Variants in ORC1 observed in about 807,000 individuals in gnomAD.
The protein encoded by ORC1 is origin recognition complex, subunit 1 homolog.
A neutral mutation model predicts 98.9 loss-of-function variants in ORC1; 61 were observed. That is an observed-to-expected ratio of 0.62 (90% CI 0.50 to 0.76). The LOEUF (loss-of-function observed/expected upper bound fraction) is 0.76. Among genes scored for constraint, ORC1 ranks in the 30% least tolerant of loss-of-function variants. ORC1 has a pLI of 0.00. For missense variants in ORC1, 979 were observed against 1,072.2 expected (o/e 0.91, Z 1.21); for synonymous variants, 385 against 406.9 (o/e 0.95, Z 0.65).
At chr1:52,405,398 G>A (rs972747363), upstream of ORC1, among the ~76,000 whole-genome samples, 3 of 152,120 alleles carry the variant, frequency 2.0e-5, no homozygotes, top group African/African-American at 2.4e-5. Context: ...ACCTTTCTTA[G>A]CCCTCATTTT....
chr1:52,402,340 C>T, intron 1 of ORC1, 112 bp from the exon 2 acceptor site: 1 of 790,780 alleles, frequency 1.3e-6, no homozygotes, highest in Non-Finnish European at 2.2e-6. Context: ...TTATTTTCTG[C>T]CCCTGCTACA....
chr1:52,375,001 G>A (rs908529778), intron 15 of ORC1, 104 bp from the exon 16 acceptor site: 15 of 749,682 alleles, frequency 2.0e-5, no homozygotes, highest in Non-Finnish European at 3.3e-5. Flanking sequence ...GAGAAAACCC[G>A]GGAAATAATT....
intron 4 of ORC1, 123 bp downstream of exon 4, chr1:52,397,562 A>T: frequency 1.1e-6 from 1 of 897,724 alleles, no homozygotes; most frequent in Non-Finnish European, 1.8e-6. Context: ...AGCACAGAAG[A>T]TGACAGGAAA....
intron 11 of ORC1, 143 bp from the exon 12 acceptor site, chr1:52,384,080 T>C: frequency 2.8e-6 from 2 of 719,028 alleles, no homozygotes; most frequent in Non-Finnish European, 5.0e-6. Context: ...TCTTAACCTT[T>C]ACTTGGAAGG....
At chr1:52,405,930 T>G, upstream of ORC1, 1 of 1,060,936 alleles carries the variant, frequency 9.4e-7, no homozygotes, top group South Asian at 1.4e-5. Context: ...ACAATGTATC[T>G]CATTTCTAGA....
At position 52,373,309 on chromosome 1, in the gene ORC1, T is replaced by A. The variant is rs747748571; in HGVS notation, c.2458A>T (p.Met820Leu). The A allele has an allele frequency of 2.5e-6, 4 of 1,614,210 alleles. 1 individual carries two copies. In the South Asian group the frequency reaches 4.4e-5, roughly 18 times the overall value. ...GAGCCCAGGTGAGAACACACGGCCA[T>A]GGTCTCTGACATGGTGGGGTACGGC... is the stretch of plus-strand genomic sequence containing the variant. Reference protein sequence around the residue: ...GLPYPTMSETMAVCSHLGSCR... With the variant: ...GLPYPTMSETLAVCSHLGSCR... Residue 820 changes from methionine (M) to leucine (L), a missense_variant, in exon 17 of 17, where the codon ATG becomes TTG. Transcript: ENST00000371568.
intron 14 of ORC1, among the ~76,000 whole-genome samples, chr1:52,377,332 T>C (rs1288030220): frequency 1.3e-5 from 2 of 152,170 alleles, no homozygotes; most frequent in African/African-American, 4.8e-5. Flanking sequence ...TGGAGTGCAG[T>C]GGCATGATCA....
At position 52,404,232 on chromosome 1, in the gene ORC1, G is replaced by A. The variant is rs1010907779; in HGVS notation, c.-6+14C>T. The A allele has an allele frequency of 2.5e-5, 4 of 158,436 alleles. No homozygotes were observed. Among genetic ancestry groups the A allele is most frequent in the African/African-American group, 9.7e-5 (4 of 41,448 alleles). The allele number at this position is 158,436 out of a possible 1,614,324, so 9.8% of individuals were successfully genotyped here. On this transcript the variant is annotated intron_variant, in intron 1 of 16. Coordinates refer to ENST00000371568, the MANE Select transcript of ORC1 (RefSeq NM_004153.4). Reference sequence around the variant, plus strand: ...CCCCCGAGTCCCTCGCAGCCCGCTGGACGCCACACTCACCCGGCTCCAAAG... The same window carrying A: ...CCCCCGAGTCCCTCGCAGCCCGCTGAACGCCACACTCACCCGGCTCCAAAG...
intron 11 of ORC1, 69 bp from the exon 12 acceptor site, chr1:52,384,006 T>G: frequency 7.7e-7 from 1 of 1,301,588 alleles, no homozygotes; most frequent in Non-Finnish European, 1.1e-6. Context: ...AAGTTAAATC[T>G]GCAAATGGAG....
At chr1:52,387,871 G>A (rs1226641787) in intron 8 of ORC1, among the ~76,000 whole-genome samples, 1 of 152,182 alleles carries the variant, frequency 6.6e-6, no homozygotes, top group African/African-American at 2.4e-5. Context: ...CAAAGAATAA[G>A]ATGCTCTGTC....
In ORC1 at chr1:52,402,163, A is replaced by G. The variant is rs1207944564; in HGVS notation, c.61T>C (p.Leu21=). ...TGGTAGTGCAGTTTTCGATCCAACA[A>G]GGGCCTGCCAACCCATGAATAAGTT... ...RKTYSWVGRP[L]LDRKLHYQTY... The change falls in exon 2 of 17, where the codon TTG becomes CTG. Residue 21 remains leucine, a synonymous_variant. Transcript: ENST00000371568. 4 of 1,614,080 alleles carry G rather than the reference A, an allele frequency of 2.5e-6. No homozygotes were observed. The highest frequency in any genetic ancestry group is 3.4e-6 in the Non-Finnish European group (4 of 1,180,042).
intron 14 of ORC1, among the ~76,000 whole-genome samples, chr1:52,380,350 C>T (rs1307078881): frequency 6.6e-6 from 1 of 152,190 alleles, no homozygotes; most frequent in Non-Finnish European, 1.5e-5. Flanking sequence ...AGACCAAAAT[C>T]AACTGACAGA....
At chr1:52,395,914 G>A (rs1281974808) in intron 5 of ORC1, 132 bp downstream of exon 5, 4 of 1,461,626 alleles carry the variant, frequency 2.7e-6, no homozygotes, top group African/African-American at 2.8e-5. Flanking sequence ...AGGATTGCTT[G>A]AGCATGATCA....
upstream of ORC1, chr1:52,408,341 A>G (rs902325422): frequency 1.2e-5 from 8 of 662,726 alleles, no homozygotes; most frequent in Admixed American, 4.1e-5. Flanking sequence ...TTGAAAGTTG[A>G]TCAATATGTA....
intron 6 of ORC1, among the ~76,000 whole-genome samples, chr1:52,392,290 C>T (rs771441027): frequency 2.2e-4 from 33 of 152,026 alleles, no homozygotes; most frequent in Non-Finnish European, 3.8e-4. Flanking sequence ...CCACCAAGCC[C>T]GGCTAATTTT....
Position 52,393,768 on chromosome 1 carries a change from A to G in ORC1, c.757T>C (p.Cys253Arg), listed in dbSNP as rs767660355. Residue 253 changes from cysteine to arginine, a missense_variant, in exon 6 of 17, where the codon TGT becomes CGT. Transcript: ENST00000371568. ...CTTCCTGGAGAATCCAAGGAGGCAC[A>G]TGAAGTCTGCTGGGACATCTGAGGG... ...GNPQMSQQTSCASLDSPGRIK... is the reference protein window; with the variant it reads ...GNPQMSQQTSRASLDSPGRIK... The G allele has an allele frequency of 1.2e-6, 2 of 1,614,030 alleles. No individual in the cohort carries two copies. The highest frequency in any genetic ancestry group is 1.7e-6 in the Non-Finnish European group (2 of 1,180,040).
chr1:52,380,780 A>G (rs1008015578), intron 14 of ORC1, among the ~76,000 whole-genome samples: 1 of 152,170 alleles, frequency 6.6e-6, no homozygotes, highest in African/African-American at 2.4e-5. Flanking sequence ...ATAGCATAAT[A>G]GCAAAAGTGA....
At chr1:52,396,534 A>G (rs757141656) in intron 4 of ORC1, among the ~76,000 whole-genome samples, 170 bp from the exon 5 acceptor site, 8 of 152,230 alleles carry the variant, frequency 5.3e-5, no homozygotes, top group Non-Finnish European at 1.0e-4. Flanking sequence ...AGAAAAACAC[A>G]TAATAATGAA....
chr1:52,391,959 AAAG>A (rs1647220956), intron 6 of ORC1, among the ~76,000 whole-genome samples: 2 of 152,126 alleles, frequency 1.3e-5, no homozygotes, highest in Admixed American at 1.3e-4. Context: ...ACAATTCACA[AAAG>A]AAGATACAGA....
Sources: allele counts gnomAD v4.1 joint callset (sites outside exome capture counted in the v4.1 genomes callset), GRCh38; gene constraint gnomAD v4.1.1; transcripts MANE v1.5; gene names NCBI Gene and HGNC (gene_info 2026-07-23, HGNC 2026-07-21).